Variants in RBM25 observed in about 807,000 individuals in gnomAD.
RBM25 encodes RNA-binding protein 25.
RBM25 carries 19 observed loss-of-function variants against 120.7 expected under a neutral mutation model. That is an observed-to-expected ratio of 0.16 (90% CI 0.11 to 0.23). The LOEUF (loss-of-function observed/expected upper bound fraction) is 0.23. RBM25 is among the 10% of genes least tolerant of loss of function. RBM25 has a pLI of 1.00. For synonymous variants in RBM25, 390 were observed against 326.7 expected, an observed-to-expected ratio of 1.19 and a Z score of -2.09; for missense variants, 605 against 1,041.5, an observed-to-expected ratio of 0.58 and a Z score of 5.77.
intron 14 of RBM25, among the ~76,000 whole-genome samples, chr14:73,109,800 C>T (rs1205824059): frequency 1.1e-4 from 17 of 152,034 alleles, no homozygotes; most frequent in African/African-American, 2.2e-4. Flanking sequence ...TGGGTTCAAG[C>T]GATTCTCCTG....
At chr14:73,097,962 C>T (rs1195619761) in intron 7 of RBM25, among the ~76,000 whole-genome samples, 1 of 152,090 alleles carries the variant, frequency 6.6e-6, no homozygotes, top group Non-Finnish European at 1.5e-5. Flanking sequence ...AGGAAGTGTT[C>T]TTTTAAAAAT....
In RBM25 at chr14:73,086,422, G is replaced by A. The variant is rs374292871; in HGVS notation, c.383-1579G>A. ...CACTACACTCCAGCCTGGTGACAGC[G>A]CGAGACTCCGTCTAAAAAAAAAAAA... On this transcript the variant is annotated intron_variant, in intron 5 of 18. Transcript: ENST00000261973. 6.0e-5 allele frequency among the ~76,000 whole-genome samples: 9 copies of A among 150,220 alleles called. No homozygotes were observed. In the South Asian group the frequency reaches 1.9e-3, roughly 32 times the overall value.
intron 5 of RBM25, 44 bp downstream of exon 5, chr14:73,083,595 C>T (rs1462331975): frequency 7.2e-7 from 1 of 1,395,768 alleles, no homozygotes; most frequent in Non-Finnish European, 9.8e-7. Context: ...CTTTAACTAA[C>T]CTGTGTGCTT....
intron 15 of RBM25, 186 bp from the exon 16 acceptor site, chr14:73,111,342 G>A (rs1896306847): frequency 3.5e-6 from 3 of 846,344 alleles, no homozygotes; most frequent in Non-Finnish European, 5.3e-6. Context: ...CAGCTGCCTC[G>A]AGTTCTGAGA....
At chr14:73,073,713 C>CTGTTT (rs1383039027) in intron 2 of RBM25, among the ~76,000 whole-genome samples, 1 of 152,040 alleles carries the variant, frequency 6.6e-6, no homozygotes, top group Non-Finnish European at 1.5e-5. Context: ...ATCAGAACAA[C>CTGTTT]TGTTTATGCA....
At chr14:73,116,016 G>A (rs1316317198) in intron 18 of RBM25, among the ~76,000 whole-genome samples, 1 of 152,136 alleles carries the variant, frequency 6.6e-6, no homozygotes, top group East Asian at 1.9e-4. Context: ...ATACTTGCCA[G>A]ATAGCTGCTC....
At chr14:73,061,818 G>C (rs912909715) in intron 1 of RBM25, among the ~76,000 whole-genome samples, 5 of 151,300 alleles carry the variant, frequency 3.3e-5, no homozygotes, top group African/African-American at 1.2e-4. Flanking sequence ...CACCTGCCTC[G>C]TCCTCCCAAA....
rs775730038 is a variant in RBM25 at position 73,108,968 on chromosome 14, C to CT, written c.1542-373dup. Reference sequence around the variant, plus strand: ...AATTGAGGATACAGAACTCTCAGTGCTACTAATGCTACTTGATATATTTTT... The same window carrying CT: ...AATTGAGGATACAGAACTCTCAGTGCTTACTAATGCTACTTGATATATTTTT... On this transcript the variant is annotated intron_variant, in intron 13 of 18. Transcript: ENST00000261973. Among the ~76,000 whole-genome samples, 82 of 152,274 alleles carry CT rather than the reference C, an allele frequency of 5.4e-4. 1 individual carries two copies. Among genetic ancestry groups the CT allele is most frequent in the South Asian group, 1.2e-3 (6 of 4,832 alleles).
At chr14:73,081,879 G>C (rs1302481211) in intron 4 of RBM25, among the ~76,000 whole-genome samples, 2 of 152,180 alleles carry the variant, frequency 1.3e-5, no homozygotes, top group Non-Finnish European at 2.9e-5. Flanking sequence ...GTGAGGATTT[G>C]ACTGATTGGA....
chr14:73,065,926 A>G (rs552316863), intron 1 of RBM25, among the ~76,000 whole-genome samples: 2 of 152,304 alleles, frequency 1.3e-5, no homozygotes, highest in South Asian at 4.1e-4. Context: ...AAATGAGTTC[A>G]TGGCCCAGTC....
At chr14:73,068,574 G>C in intron 1 of RBM25, 1 of 578,200 alleles carries the variant, frequency 1.7e-6, no homozygotes, top group South Asian at 1.4e-5. Context: ...GCTTTTGCCA[G>C]TGTACGGTAG....
At chr14:73,114,826 TGG>T (rs1457797163) in intron 18 of RBM25, among the ~76,000 whole-genome samples, 1 of 151,986 alleles carries the variant, frequency 6.6e-6, no homozygotes, top group Non-Finnish European at 1.5e-5. Flanking sequence ...ACCTGTGAGG[TGG>T]AGGTTGCAGT....
rs1896562156 is a variant in RBM25, at chr14:73,122,953, A to G, written c.*3148A>G. On this transcript the variant is annotated 3_prime_UTR_variant, in exon 19 of 19. Transcript: ENST00000261973. ...TCCTTTAAGTAGATTTTAAAGAGAAAAACATTTTTTGAGGCAAATACACGT... is the reference window on the plus strand; with the variant it reads ...TCCTTTAAGTAGATTTTAAAGAGAAGAACATTTTTTGAGGCAAATACACGT... 1.3e-5 allele frequency: 2 copies of G among 152,234 alleles called. No individual in the cohort carries two copies. The highest frequency in any genetic ancestry group is 2.9e-5 in the Non-Finnish European group (2 of 68,040). The allele number at this position is 152,234 out of a possible 1,614,324, so 9.4% of individuals were successfully genotyped here. A position where few individuals can be genotyped will look rare whatever the true frequency, so the allele number is the denominator to read the frequency against.
rs1380415925 is a variant in RBM25 at position 73,106,086 on chromosome 14, G to T, written c.1377+5G>T. 4 of 1,602,144 alleles carry T rather than the reference G, an allele frequency of 2.5e-6. No individual in the cohort carries two copies. The Admixed American group carries it at 7.1e-5, about 28-fold the overall frequency. ...AAAGAAGCTGCTTATCAAGAGGTAA[G>T]TTGAGAAAATGCCTTTATTCTTAAA... is the stretch of plus-strand genomic sequence containing the variant. On this transcript the variant is annotated splice_donor_5th_base_variant and intron_variant, in intron 11 of 18. Coordinates refer to ENST00000261973, the MANE Select transcript of RBM25 (RefSeq NM_021239.3).
chr14:73,082,628 T>C (rs1022633296), intron 4 of RBM25, among the ~76,000 whole-genome samples: 13 of 152,242 alleles, frequency 8.5e-5, no homozygotes, highest in Non-Finnish European at 1.5e-5. Flanking sequence ...ACCGTTCAGA[T>C]AACCTGCCCT....
chr14:73,095,197 T>TATCTGTGTCATAACCC (rs999167317), intron 6 of RBM25, among the ~76,000 whole-genome samples: 2 of 152,196 alleles, frequency 1.3e-5, no homozygotes, highest in Non-Finnish European at 2.9e-5. Context: ...ATATTTAAGT[T>TATCTGTGTCATAACCC]ATCTGTGTCA....
At chr14:73,061,280 A>G (rs1374275503) in intron 1 of RBM25, among the ~76,000 whole-genome samples, 1 of 150,982 alleles carries the variant, frequency 6.6e-6, no homozygotes, top group Non-Finnish European at 1.5e-5. Context: ...CTGGTCTTGG[A>G]ACTTCTGACC....
intron 4 of RBM25, among the ~76,000 whole-genome samples, chr14:73,082,315 A>G (rs945838516): frequency 2.0e-5 from 3 of 151,802 alleles, no homozygotes; most frequent in African/African-American, 7.3e-5. Context: ...CTTTTTTGAG[A>G]CAGTCTCATT....
At chr14:73,071,961 GAAAGTTTTT>G (rs1895304274) in intron 2 of RBM25, among the ~76,000 whole-genome samples, 6 of 151,734 alleles carry the variant, frequency 4.0e-5, no homozygotes, top group Non-Finnish European at 5.9e-5. Context: ...TTCTCATCTG[GAAAGTTTTT>G]AAAAAATTCT....
Sources: allele counts gnomAD v4.1 joint callset (sites outside exome capture counted in the v4.1 genomes callset), GRCh38; gene constraint gnomAD v4.1.1; transcripts MANE v1.5; gene names NCBI Gene and HGNC (gene_info 2026-07-23, HGNC 2026-07-21).